The following CAMTA1 variants were observed in gnomAD, a reference collection of about 807,000 sequenced individuals.
CAMTA1 encodes the protein calmodulin-binding transcription activator 1.
CAMTA1 carries 27 observed loss-of-function variants against 170.9 expected under a neutral mutation model. The ratio of observed to expected loss-of-function variants is 0.16; its 90% CI spans 0.12 to 0.22. The LOEUF is 0.22. CAMTA1 is among the 10% of genes least tolerant of loss of function. The pLI is 1.00. For synonymous variants in CAMTA1, 833 were observed against 891.5 expected (o/e 0.93, Z 1.17); for missense variants, 1,619 against 2,217.2 (o/e 0.73, Z 5.42).
chr1:7,086,724 T>C (rs1203161401), intron 3 of CAMTA1, among the ~76,000 whole-genome samples: 3 of 152,244 alleles, frequency 2.0e-5, no homozygotes, highest in Non-Finnish European at 4.4e-5. Flanking sequence ...TGTTCATTCA[T>C]GTAGTAGCCG....
intron 3 of CAMTA1, among the ~76,000 whole-genome samples, chr1:6,833,023 C>CA (rs1055058806): frequency 2.0e-5 from 3 of 151,268 alleles, no homozygotes; most frequent in Admixed American, 2.0e-4. Flanking sequence ...AGTGCCTCAG[C>CA]AGCAGCAGCA....
intron 6 of CAMTA1, among the ~76,000 whole-genome samples, chr1:7,627,185 C>G (rs1288525456): frequency 6.6e-6 from 1 of 152,196 alleles, no homozygotes; most frequent in Non-Finnish European, 1.5e-5. Flanking sequence ...AGAATTGTCT[C>G]AGAGATCCTG....
intron 5 of CAMTA1, among the ~76,000 whole-genome samples, chr1:7,309,250 C>T (rs1451595787): frequency 7.3e-6 from 1 of 137,930 alleles, no homozygotes; most frequent in African/African-American, 2.7e-5. Flanking sequence ...GCTATTCATT[C>T]TGACAATCTC....
intron 3 of CAMTA1, among the ~76,000 whole-genome samples, chr1:6,858,469 GGTGT>G (rs869178601): frequency 5.5e-5 from 4 of 72,178 alleles, no homozygotes; most frequent in Non-Finnish European, 9.2e-5. Flanking sequence ...TGGTGGTGGT[GGTGT>G]GTGTGTGTGT....
chr1:7,180,770 C>G (rs1033823096), intron 4 of CAMTA1, among the ~76,000 whole-genome samples: 1 of 152,064 alleles, frequency 6.6e-6, no homozygotes, highest in African/African-American at 2.4e-5. Flanking sequence ...TCTTGGCTTC[C>G]CAAAGTGCTG....
chr1:7,167,106 C>T (rs766992673), intron 4 of CAMTA1, among the ~76,000 whole-genome samples: 25 of 152,064 alleles, frequency 1.6e-4, no homozygotes, highest in Non-Finnish European at 2.5e-4. Context: ...CCACCGTGCC[C>T]GGACAATGCA....
chr1:7,297,395 T>G (rs991350419), intron 5 of CAMTA1, among the ~76,000 whole-genome samples: 1 of 152,228 alleles, frequency 6.6e-6, no homozygotes, highest in Non-Finnish European at 1.5e-5. Context: ...GGTATAGTCC[T>G]TGTTCCTAAG....
intron 6 of CAMTA1, among the ~76,000 whole-genome samples, chr1:7,631,395 G>A (rs1303997081): frequency 1.3e-5 from 2 of 152,182 alleles, no homozygotes; most frequent in Non-Finnish European, 1.5e-5. Context: ...CTTCAAGCAG[G>A]GCTGGCACCC....
At chr1:6,832,453 T>A (rs934942607) in intron 3 of CAMTA1, among the ~76,000 whole-genome samples, 7 of 152,068 alleles carry the variant, frequency 4.6e-5, no homozygotes, top group African/African-American at 1.4e-4. Flanking sequence ...GTGTTTTTAA[T>A]TTTTTTTCCT....
chr1:6,976,297 G>A (rs1693413049), intron 3 of CAMTA1, among the ~76,000 whole-genome samples: 1 of 152,090 alleles, frequency 6.6e-6, no homozygotes, highest in Non-Finnish European at 1.5e-5. Flanking sequence ...ACCTCCTGCT[G>A]TGTGTGTGTG....
chr1:7,396,521 TC>T (rs1441544202), intron 5 of CAMTA1, among the ~76,000 whole-genome samples: 1 of 152,224 alleles, frequency 6.6e-6, no homozygotes, highest in East Asian at 1.9e-4. Flanking sequence ...AGCTAAAACT[TC>T]CAGTACTGTT....
At chr1:7,527,424 G>A (rs1383150588) in intron 6 of CAMTA1, among the ~76,000 whole-genome samples, 1 of 152,200 alleles carries the variant, frequency 6.6e-6, no homozygotes, top group South Asian at 2.1e-4. Flanking sequence ...GTCAACCTCT[G>A]GCCTCAAAAT....
intron 4 of CAMTA1, among the ~76,000 whole-genome samples, chr1:7,188,229 G>T (rs1653831438): frequency 6.6e-6 from 1 of 152,120 alleles, no homozygotes; most frequent in African/African-American, 2.4e-5. Flanking sequence ...AATTCAAGAT[G>T]AGATTTGGGT....
chr1:7,394,007 A>G (rs1054722420), intron 5 of CAMTA1, among the ~76,000 whole-genome samples: 7 of 152,220 alleles, frequency 4.6e-5, no homozygotes, highest in South Asian at 2.1e-4. Context: ...AGGTTCATCC[A>G]TGTTGCTACA....
At chr1:7,735,960 A>C (rs1472214781) in intron 12 of CAMTA1, among the ~76,000 whole-genome samples, 1 of 151,790 alleles carries the variant, frequency 6.6e-6, no homozygotes, top group Non-Finnish European at 1.5e-5. Flanking sequence ...TTTAGTAGAG[A>C]TGGGGTTAGG....
At position 7,498,310 on chromosome 1, in the gene CAMTA1, A is replaced by ATG. The variant is rs368143345; in HGVS notation, c.510+30417_510+30418dup. Among the ~76,000 whole-genome samples, 91 of 148,760 alleles carry ATG rather than the reference A, an allele frequency of 6.1e-4. 1 individual carries two copies. Among genetic ancestry groups the ATG allele is most frequent in the African/African-American group, 2.2e-3 (86 of 39,998 alleles). On this transcript the variant is annotated intron_variant, in intron 6 of 22. Coordinates refer to ENST00000303635, the MANE Select transcript of CAMTA1 (RefSeq NM_015215.4). The stretch of plus-strand genomic sequence containing the variant: ...TGTATGAGCGTGACAGTGAGTGTGG[A>ATG]TGTGTGTGTAAGAGTGAGTGTGGAT...
At chr1:7,276,704 C>T (rs1250034914) in intron 5 of CAMTA1, among the ~76,000 whole-genome samples, 8 of 152,042 alleles carry the variant, frequency 5.3e-5, no homozygotes, top group African/African-American at 1.2e-4. Context: ...AATATTCTAC[C>T]GGAGGTCCTA....
chr1:7,512,756 C>T (rs1410447900), intron 6 of CAMTA1, among the ~76,000 whole-genome samples: 1 of 152,202 alleles, frequency 6.6e-6, no homozygotes, highest in Non-Finnish European at 1.5e-5. Flanking sequence ...AGAAGTGCAT[C>T]CTCCCAAAGC....
At chr1:7,258,603 C>G (rs995764450) in intron 5 of CAMTA1, among the ~76,000 whole-genome samples, 1 of 152,162 alleles carries the variant, frequency 6.6e-6, no homozygotes, top group Non-Finnish European at 1.5e-5. Flanking sequence ...ACCCAGAAAC[C>G]GGGCAGGCAT....
Sources: gnomAD v4.1 joint callset for allele counts (sites outside exome capture counted in the v4.1 genomes callset) on GRCh38, gnomAD v4.1.1 for gene constraint, MANE v1.5 for transcripts, NCBI Gene and HGNC (gene_info 2026-07-23, HGNC 2026-07-21) for gene names.